Variants in GRIP1 observed in about 807,000 individuals in gnomAD.
GRIP1 encodes glutamate receptor-interacting protein 1.
A neutral mutation model predicts 129.9 loss-of-function variants in GRIP1; 45 were observed. That is an observed-to-expected ratio of 0.35 (90% confidence interval 0.27 to 0.44). The LOEUF is 0.44. Among genes scored for constraint, GRIP1 ranks in the 20% least tolerant of loss-of-function variants. The pLI is 1.00. For synonymous variants in GRIP1, 530 were observed against 520.8 expected (o/e 1.02, Z -0.24); for missense variants, 1,196 against 1,396.8 (o/e 0.86, Z 2.29).
intron 1 of GRIP1, among the ~76,000 whole-genome samples, chr12:66,648,499 A>T (rs1218456110): frequency 6.6e-6 from 1 of 152,234 alleles, no homozygotes; most frequent in African/African-American, 2.4e-5. Flanking sequence ...ACTTCAGCCA[A>T]AATACTCCAT....
intron 1 of GRIP1, among the ~76,000 whole-genome samples, chr12:66,770,517 G>T (rs1192806783): frequency 6.6e-6 from 1 of 152,108 alleles, no homozygotes; most frequent in Non-Finnish European, 1.5e-5. Flanking sequence ...TTTCAAAAAA[G>T]ATTATGGGAA....
At chr12:67,023,407 C>T (rs1467470079) in intron 1 of GRIP1, among the ~76,000 whole-genome samples, 2 of 152,152 alleles carry the variant, frequency 1.3e-5, no homozygotes, top group Non-Finnish European at 2.9e-5. Context: ...ACTGAATTAT[C>T]TTTGCACTTT....
intron 1 of GRIP1, among the ~76,000 whole-genome samples, chr12:66,796,755 T>C (rs1208607044): frequency 6.6e-6 from 1 of 152,116 alleles, no homozygotes; most frequent in East Asian, 1.9e-4. Flanking sequence ...GGTGGGATGC[T>C]TACCACAAAT....
At chr12:66,788,029 T>A (rs933471366) in intron 1 of GRIP1, among the ~76,000 whole-genome samples, 36 of 152,148 alleles carry the variant, frequency 2.4e-4, no homozygotes, top group African/African-American at 8.4e-4. Flanking sequence ...GGTGGGGAAG[T>A]GACCCAGGAT....
At chr12:67,035,997 T>C (rs1261699620) in intron 1 of GRIP1, among the ~76,000 whole-genome samples, 1 of 152,152 alleles carries the variant, frequency 6.6e-6, no homozygotes, top group African/African-American at 2.4e-5. Flanking sequence ...AATAAATAAA[T>C]CAGTTGCAAC....
At chr12:66,863,771 T>A (rs2040153254) in intron 1 of GRIP1, among the ~76,000 whole-genome samples, 1 of 152,134 alleles carries the variant, frequency 6.6e-6, no homozygotes, top group Admixed American at 6.6e-5. Context: ...CAGGATCCAC[T>A]GCAGATCGAT....
intron 1 of GRIP1, among the ~76,000 whole-genome samples, chr12:66,620,770 A>AC (rs1262190971): frequency 2.2e-5 from 3 of 138,200 alleles, no homozygotes; most frequent in African/African-American, 2.7e-5. Flanking sequence ...CCCACCCCTC[A>AC]CCCCCCCAAC....
chr12:66,968,791 C>T (rs1034773531), intron 1 of GRIP1, among the ~76,000 whole-genome samples: 4 of 70,306 alleles, frequency 5.7e-5, no homozygotes, highest in Non-Finnish European at 9.5e-5. Flanking sequence ...TTTTACTTTA[C>T]CTTAAATTTA....
intron 1 of GRIP1, among the ~76,000 whole-genome samples, chr12:66,875,183 C>A (rs1183598489): frequency 6.6e-6 from 1 of 151,978 alleles, no homozygotes; most frequent in Non-Finnish European, 1.5e-5. Flanking sequence ...ATCTCATGAA[C>A]TTTAACAGTC....
intron 1 of GRIP1, among the ~76,000 whole-genome samples, chr12:66,784,321 A>G (rs1422075837): frequency 1.3e-5 from 2 of 152,286 alleles, no homozygotes; most frequent in African/African-American, 4.8e-5. Flanking sequence ...GAATTTCCCA[A>G]TAGTAACATT....
chr12:66,394,173 A>G (rs768295758), intron 17 of GRIP1, 35 bp downstream of exon 17: 1 of 1,597,498 alleles, frequency 6.3e-7, no homozygotes, highest in African/African-American at 1.3e-5. Context: ...CCCGTCTCAG[A>G]CACAGGTAAT....
intron 1 of GRIP1, among the ~76,000 whole-genome samples, chr12:67,060,824 CAAAAAAAAA>C (rs11300344): frequency 9.5e-6 from 1 of 104,776 alleles, no homozygotes; most frequent in Non-Finnish European, 2.0e-5. Flanking sequence ...AACTCCGTCT[CAAAAAAAAA>C]AAAAAAAAAA....
chr12:66,448,917 A>G (rs1219584113), intron 11 of GRIP1, among the ~76,000 whole-genome samples: 1 of 152,138 alleles, frequency 6.6e-6, no homozygotes, highest in Non-Finnish European at 1.5e-5. Flanking sequence ...AGCAGAGCAC[A>G]TAGGACCCTT....
At chr12:66,713,515 A>C (rs967926073) in intron 1 of GRIP1, among the ~76,000 whole-genome samples, 19 of 147,934 alleles carry the variant, frequency 1.3e-4, no homozygotes, top group East Asian at 8.2e-4. Flanking sequence ...AATCTGCAGC[A>C]GTAGAGACCA....
chr12:67,019,145 A>G (rs978594339), intron 1 of GRIP1, among the ~76,000 whole-genome samples: 1 of 152,186 alleles, frequency 6.6e-6, no homozygotes, highest in African/African-American at 2.4e-5. Context: ...AATGACTGCC[A>G]AAACGATCAT....
At chr12:66,968,378 A>G (rs568286562) in intron 1 of GRIP1, among the ~76,000 whole-genome samples, 105 of 137,266 alleles carry the variant, frequency 7.6e-4, no homozygotes, top group African/African-American at 2.6e-3. Flanking sequence ...TTTGCCTACG[A>G]CTCTAGGTTT....
chr12:66,521,672 C>T (rs4544083), intron 5 of GRIP1, among the ~76,000 whole-genome samples: 104,531 of 151,948 alleles, frequency 0.69, 36,439 homozygotes, highest in African/African-American at 0.81. Context: ...GTGGGTGCAG[C>T]GCACCGGGCG....
intron 1 of GRIP1, among the ~76,000 whole-genome samples, chr12:66,906,715 A>C (rs2040939343): frequency 6.6e-6 from 1 of 152,146 alleles, no homozygotes; most frequent in Non-Finnish European, 1.5e-5. Context: ...AGCAAGGGTA[A>C]ATTACTTTGG....
chr12:67,000,186 C>T (rs891761129), intron 1 of GRIP1, among the ~76,000 whole-genome samples: 1 of 152,022 alleles, frequency 6.6e-6, no homozygotes, highest in African/African-American at 2.4e-5. Flanking sequence ...GGGTCTAGCA[C>T]AGTATTTTAT....
Sources: allele counts gnomAD v4.1 joint callset (sites outside exome capture counted in the v4.1 genomes callset), GRCh38; gene constraint gnomAD v4.1.1; transcripts MANE v1.5; gene names NCBI Gene and HGNC (gene_info 2026-07-23, HGNC 2026-07-21).